The following SYNPR variants were observed in gnomAD, a reference collection of about 807,000 sequenced individuals.
SYNPR encodes the protein synaptoporin.
Under a neutral mutation model 32.9 loss-of-function variants are expected in SYNPR, and 23 were observed. The observed-to-expected ratio is 0.70, with a 90% CI of 0.50 to 0.99. SYNPR has a LOEUF of 0.99. SYNPR is among the 50% of genes least tolerant of loss of function. SYNPR has a pLI of 0.00. For synonymous variants in SYNPR, 146 were observed against 135.9 expected (o/e 1.07, Z -0.52); for missense variants, 318 against 349.3 (o/e 0.91, Z 0.71).
intron 2 of SYNPR, among the ~76,000 whole-genome samples, chr3:63,460,572 CAAA>C (rs11390803): frequency 8.8e-5 from 4 of 45,714 alleles, no homozygotes; most frequent in African/African-American, 2.7e-4. Context: ...ATTGGTAGAC[CAAA>C]AAAAAAAAAA....
intron 2 of SYNPR, among the ~76,000 whole-genome samples, chr3:63,464,040 T>C (rs923126319): frequency 4.6e-5 from 7 of 152,222 alleles, no homozygotes; most frequent in Non-Finnish European, 7.3e-5. Context: ...GGCACTTTCA[T>C]ATACACTTGT....
chr3:63,379,689 C>CT (rs532846193), intron 2 of SYNPR, among the ~76,000 whole-genome samples: 7 of 151,118 alleles, frequency 4.6e-5, no homozygotes, highest in Admixed American at 6.6e-5. Context: ...CTTTTGCTTT[C>CT]TTTTTTTTAT....
intron 2 of SYNPR, among the ~76,000 whole-genome samples, chr3:63,435,105 A>G (rs1268395991): frequency 1.3e-5 from 2 of 152,186 alleles, no homozygotes; most frequent in Non-Finnish European, 2.9e-5. Flanking sequence ...CCCATCTCCC[A>G]CCTTGTATAT....
At chr3:63,378,761 C>G (rs143191982) in intron 2 of SYNPR, among the ~76,000 whole-genome samples, 1 of 152,052 alleles carries the variant, frequency 6.6e-6, no homozygotes, top group Non-Finnish European at 1.5e-5. Context: ...TATGCCACCT[C>G]TCCTTTTTTT....
At chr3:63,279,952 T>C (rs1323058666) in intron 2 of SYNPR, among the ~76,000 whole-genome samples, 1 of 152,228 alleles carries the variant, frequency 6.6e-6, no homozygotes, top group East Asian at 1.9e-4. Flanking sequence ...ACAGTCAAGT[T>C]AAACAAGCAA....
chr3:63,313,443 T>G (rs1227460642), intron 2 of SYNPR, among the ~76,000 whole-genome samples: 1 of 151,556 alleles, frequency 6.6e-6, no homozygotes, highest in African/African-American at 2.4e-5. Context: ...AGCTCCCTCA[T>G]ATAAGTGAGA....
At chr3:63,361,869 A>T (rs2087667088) in intron 2 of SYNPR, among the ~76,000 whole-genome samples, 1 of 152,190 alleles carries the variant, frequency 6.6e-6, no homozygotes, top group Non-Finnish European at 1.5e-5. Flanking sequence ...GTAAAATAAG[A>T]AATTGGTGGC....
rs562625204 is a variant in SYNPR at position 63,228,838 on chromosome 3, T to C, written n.66+458T>C. Among the ~76,000 whole-genome samples the C allele has an allele frequency of 6.6e-5, 10 of 151,990 alleles. No homozygotes were observed. In the South Asian group the frequency reaches 1.9e-3, roughly 29 times the overall value. ...GCATGGGAAAAAACAATCAAACTTC[T>C]AGTTTTGCTTTCACGCCATCTGAGA... On this transcript the variant is annotated intron_variant and non_coding_transcript_variant, in intron 1 of 4. Coordinates refer to the SYNPR transcript ENST00000478456.
intron 2 of SYNPR, chr3:63,452,036 T>A (rs749820692): frequency 4.3e-6 from 3 of 699,878 alleles, no homozygotes; most frequent in South Asian, 3.0e-5. Flanking sequence ...CCTGATATAA[T>A]TTTTTTCTCT....
intron 2 of SYNPR, among the ~76,000 whole-genome samples, chr3:63,393,494 C>CTTTTTTTTT (rs1560215363): frequency 9.8e-6 from 1 of 102,404 alleles, no homozygotes; most frequent in African/African-American, 4.3e-5. Flanking sequence ...TTTCTTTCTT[C>CTTTTTTTTT]TCTTTTTTTT....
At chr3:63,419,637 A>G (rs1386070900) in intron 2 of SYNPR, among the ~76,000 whole-genome samples, 2 of 152,230 alleles carry the variant, frequency 1.3e-5, no homozygotes, top group Non-Finnish European at 2.9e-5. Context: ...AAATCTAGCA[A>G]CTATGGTCCC....
intron 5 of SYNPR, among the ~76,000 whole-genome samples, chr3:63,612,371 C>A (rs1700212065): frequency 6.6e-6 from 1 of 152,180 alleles, no homozygotes; most frequent in South Asian, 2.1e-4. Context: ...TTTTTAGTCT[C>A]TCAATTTCTT....
At chr3:63,456,042 T>A (rs974691550) in intron 2 of SYNPR, among the ~76,000 whole-genome samples, 3 of 152,158 alleles carry the variant, frequency 2.0e-5, no homozygotes, top group Middle Eastern at 3.4e-3. Context: ...ACATCTTAGA[T>A]GGATGGCAGC....
chr3:63,417,415 C>A (rs1180593195), intron 2 of SYNPR, among the ~76,000 whole-genome samples: 1 of 152,204 alleles, frequency 6.6e-6, no homozygotes. Context: ...GTGTCTGCAG[C>A]TTTTCCAGGC....
intron 3 of SYNPR, among the ~76,000 whole-genome samples, chr3:63,499,636 A>G (rs2106733562): frequency 6.6e-6 from 1 of 152,336 alleles, no homozygotes; most frequent in East Asian, 1.9e-4. Context: ...AGACACCTTG[A>G]GAAACCAGCA....
intron 2 of SYNPR, among the ~76,000 whole-genome samples, chr3:63,407,376 A>G (rs1423427832): frequency 1.3e-5 from 2 of 152,190 alleles, no homozygotes; most frequent in African/African-American, 4.8e-5. Flanking sequence ...ATACTAAGGG[A>G]GCAATGTAAT....
intron 3 of SYNPR, among the ~76,000 whole-genome samples, chr3:63,484,690 G>T (rs1701112175): frequency 6.6e-6 from 1 of 152,170 alleles, no homozygotes; most frequent in South Asian, 2.1e-4. Context: ...TTCTGTGAAG[G>T]AGGCTACTAT....
At chr3:63,271,513 A>T (rs2086535408) in intron 3 of SYNPR, among the ~76,000 whole-genome samples, 1 of 152,182 alleles carries the variant, frequency 6.6e-6, no homozygotes, top group African/African-American at 2.4e-5. Flanking sequence ...GGAGAATATA[A>T]TAAAGTGAAT....
At chr3:63,318,250 C>T (rs183767760) in intron 2 of SYNPR, among the ~76,000 whole-genome samples, 12 of 152,044 alleles carry the variant, frequency 7.9e-5, no homozygotes, top group South Asian at 6.2e-4. Context: ...GATCTTTTTG[C>T]GATGAATTTC....
Sources: allele counts gnomAD v4.1 joint callset (sites outside exome capture counted in the v4.1 genomes callset), GRCh38; gene constraint gnomAD v4.1.1; transcripts MANE v1.5; gene names NCBI Gene and HGNC (gene_info 2026-07-23, HGNC 2026-07-21).